The following RABGAP1L variants were observed in gnomAD, a reference collection of about 807,000 sequenced individuals.
RABGAP1L encodes the protein RAB GTPase activating protein 1 like.
RABGAP1L carries 63 observed loss-of-function variants against 137.7 expected under a neutral mutation model. The ratio of observed to expected loss-of-function variants is 0.46; its 90% CI spans 0.37 to 0.56. RABGAP1L has a LOEUF of 0.56. Among genes scored for constraint, RABGAP1L ranks in the 20% least tolerant of loss-of-function variants. The pLI, the probability that RABGAP1L is intolerant of heterozygous loss-of-function variation, is 0.00. For synonymous variants in RABGAP1L, 431 were observed against 433.7 expected (o/e 0.99, Z 0.08); for missense variants, 1,095 against 1,244.0 (o/e 0.88, Z 1.80).
intron 19 of RABGAP1L, among the ~76,000 whole-genome samples, chr1:174,853,137 G>A (rs1274937699): frequency 1.3e-5 from 2 of 151,388 alleles, no homozygotes; most frequent in African/African-American, 2.4e-5. Flanking sequence ...CACATAAAAT[G>A]GCTTTATCAC....
chr1:174,695,814 C>A (rs1318477111), intron 15 of RABGAP1L, among the ~76,000 whole-genome samples: 1 of 152,220 alleles, frequency 6.6e-6, no homozygotes, highest in East Asian at 1.9e-4. Flanking sequence ...GCCATATCTG[C>A]TTTAGGGGAT....
intron 13 of RABGAP1L, among the ~76,000 whole-genome samples, chr1:174,509,900 T>C (rs908305636): frequency 2.0e-5 from 3 of 152,210 alleles, no homozygotes; most frequent in Non-Finnish European, 4.4e-5. Context: ...GTTCTACTTA[T>C]GTAACATCAT....
intron 1 of RABGAP1L, among the ~76,000 whole-genome samples, chr1:174,160,880 G>A (rs539171754): frequency 6.6e-6 from 1 of 152,282 alleles, no homozygotes; most frequent in East Asian, 1.9e-4. Flanking sequence ...GATCACATTG[G>A]AAGTGGATTT....
At chr1:174,395,088 C>A (rs1647665051) in intron 13 of RABGAP1L, among the ~76,000 whole-genome samples, 1 of 151,864 alleles carries the variant, frequency 6.6e-6, no homozygotes, top group South Asian at 2.1e-4. Context: ...CCAAAGGATA[C>A]TAAGCTGTAC....
At position 174,290,655 on chromosome 1, in the gene RABGAP1L, T is replaced by C. The variant is rs530903549; in HGVS notation, c.1323+11876T>C. Among the ~76,000 whole-genome samples, 352 of 152,326 alleles carry C rather than the reference T, an allele frequency of 2.3e-3. 1 individual carries two copies. Among genetic ancestry groups the C allele is most frequent in the Non-Finnish European group, 3.6e-3 (242 of 68,038 alleles). ...TGATATTACTATAAATTGTATTCTT[T>C]AAATTTTAATTTTTTATTGTTTATT... On this transcript the variant is annotated intron_variant, in intron 10 of 25. Coordinates refer to ENST00000681986, the MANE Select transcript of RABGAP1L (RefSeq NM_001366446.1).
At chr1:174,622,472 A>C (rs1672590914) in intron 13 of RABGAP1L, among the ~76,000 whole-genome samples, 1 of 152,244 alleles carries the variant, frequency 6.6e-6, no homozygotes, top group Middle Eastern at 3.2e-3. Flanking sequence ...CAACAATGAT[A>C]GACTGGATTA....
At chr1:174,418,685 A>G (rs1650894466) in intron 13 of RABGAP1L, among the ~76,000 whole-genome samples, 2 of 152,186 alleles carry the variant, frequency 1.3e-5, no homozygotes, top group South Asian at 4.1e-4. Flanking sequence ...GTCTCATGAA[A>G]ATATGGCAGG....
intron 14 of RABGAP1L, among the ~76,000 whole-genome samples, chr1:174,656,121 T>C (rs1252576807): frequency 6.6e-6 from 1 of 152,218 alleles, no homozygotes; most frequent in African/African-American, 2.4e-5. Flanking sequence ...TGCCCATTTT[T>C]TTTTATTAAT....
At chr1:174,468,837 C>T (rs1364895356) in intron 13 of RABGAP1L, among the ~76,000 whole-genome samples, 1 of 152,070 alleles carries the variant, frequency 6.6e-6, no homozygotes, top group Non-Finnish European at 1.5e-5. Context: ...GGATGCCATA[C>T]GTGGTAGATG....
At chr1:174,903,295 G>A (rs1053153287) in intron 19 of RABGAP1L, among the ~76,000 whole-genome samples, 3 of 152,206 alleles carry the variant, frequency 2.0e-5, no homozygotes, top group Non-Finnish European at 4.4e-5. Flanking sequence ...TCTGTAGCTG[G>A]AGTTGTCCCA....
intron 13 of RABGAP1L, among the ~76,000 whole-genome samples, chr1:174,617,309 C>A (rs548941049): frequency 6.6e-6 from 1 of 152,294 alleles, no homozygotes; most frequent in South Asian, 2.1e-4. Flanking sequence ...GCAGAAACAG[C>A]AACTGACCCT....
chr1:174,553,702 A>C (rs545335202), intron 13 of RABGAP1L, among the ~76,000 whole-genome samples: 1 of 152,334 alleles, frequency 6.6e-6, no homozygotes, highest in Admixed American at 6.5e-5. Flanking sequence ...AATCCTCAAC[A>C]AGAATCATAG....
chr1:174,691,933 G>C (rs893038916), intron 15 of RABGAP1L, among the ~76,000 whole-genome samples: 1 of 152,052 alleles, frequency 6.6e-6, no homozygotes, highest in Non-Finnish European at 1.5e-5. Flanking sequence ...CATCTTGGTT[G>C]ATTTTCTTTA....
intron 19 of RABGAP1L, among the ~76,000 whole-genome samples, chr1:174,859,287 T>C (rs2987880): frequency 0.35 from 53,757 of 151,818 alleles, 12,025 homozygotes; most frequent in African/African-American, 0.64. Flanking sequence ...CGAGACCATC[T>C]TGCCTAACAT....
intron 14 of RABGAP1L, among the ~76,000 whole-genome samples, chr1:174,639,507 A>T (rs912536675): frequency 2.6e-5 from 4 of 152,070 alleles, no homozygotes; most frequent in African/African-American, 9.7e-5. Flanking sequence ...ATCATTTCCA[A>T]GTTTATTTAA....
chr1:174,369,034 G>T (rs1684879053), intron 11 of RABGAP1L, among the ~76,000 whole-genome samples: 1 of 152,108 alleles, frequency 6.6e-6, no homozygotes, highest in African/African-American at 2.4e-5. Context: ...CACATTATTA[G>T]TTACTGTGGA....
chr1:174,912,801 T>A (rs1558224733), intron 19 of RABGAP1L, among the ~76,000 whole-genome samples: 1 of 152,224 alleles, frequency 6.6e-6, no homozygotes, highest in Non-Finnish European at 1.5e-5. Flanking sequence ...TTCTGATTGC[T>A]TTTATTCCAT....
intron 14 of RABGAP1L, among the ~76,000 whole-genome samples, chr1:174,644,896 T>C (rs1276806017): frequency 1.3e-5 from 2 of 152,180 alleles, no homozygotes; most frequent in African/African-American, 4.8e-5. Context: ...CCTTCCCATC[T>C]GTCCAAATCT....
chr1:174,612,351 A>G (rs1671335522), intron 13 of RABGAP1L, among the ~76,000 whole-genome samples: 1 of 152,186 alleles, frequency 6.6e-6, no homozygotes, highest in East Asian at 1.9e-4. Flanking sequence ...TATATGCTGG[A>G]TTACATTTAT....
Sources: gnomAD v4.1 joint callset for allele counts (sites outside exome capture counted in the v4.1 genomes callset) on GRCh38, gnomAD v4.1.1 for gene constraint, MANE v1.5 for transcripts, NCBI Gene and HGNC (gene_info 2026-07-23, HGNC 2026-07-21) for gene names.